LRRC4C: variants seen among roughly 807,000 people sequenced by gnomAD.
The protein encoded by LRRC4C is leucine-rich repeat-containing protein 4C.
A neutral mutation model predicts 33.6 loss-of-function variants in LRRC4C; 5 were observed. The observed-to-expected ratio is 0.15, with a 90% CI of 0.08 to 0.31. The LOEUF (loss-of-function observed/expected upper bound fraction) is 0.31, where lower values mean the gene tolerates loss of function less well. Ranked by LOEUF, LRRC4C falls within the 10% of genes least tolerant of loss-of-function variation. The probability of loss-of-function intolerance (pLI) is 1.00; values close to 1 mark genes in which losing one functional copy is unlikely to be tolerated. For missense variants in LRRC4C, 560 were observed against 796.7 expected, an observed-to-expected ratio of 0.70 and a Z score of 3.58; for synonymous variants, 329 against 302.0, an observed-to-expected ratio of 1.09 and a Z score of -0.93.
At chr11:40,881,322 C>T (rs918296043) in intron 2 of LRRC4C, among the ~76,000 whole-genome samples, 6 of 152,040 alleles carry the variant, frequency 3.9e-5, no homozygotes, top group African/African-American at 1.4e-4. Context: ...TATTGTGTAT[C>T]CTACATAAAT....
At chr11:41,457,502 G>A (rs1227762823) in intron 1 of LRRC4C, among the ~76,000 whole-genome samples, 2 of 152,024 alleles carry the variant, frequency 1.3e-5, no homozygotes, top group Admixed American at 6.6e-5. Context: ...CAGAAACTTC[G>A]TGTTTCTTAT....
intron 3 of LRRC4C, among the ~76,000 whole-genome samples, chr11:40,484,759 T>C (rs901774899): frequency 6.6e-6 from 1 of 152,096 alleles, no homozygotes; most frequent in Non-Finnish European, 1.5e-5. Flanking sequence ...CCAAATAGCA[T>C]AAATATAATT....
At chr11:40,276,798 G>A (rs1943141830) in intron 4 of LRRC4C, among the ~76,000 whole-genome samples, 1 of 151,510 alleles carries the variant, frequency 6.6e-6, no homozygotes, top group African/African-American at 2.4e-5. Flanking sequence ...CTTCCCTGCT[G>A]CTGCAGTGTC....
chr11:40,944,278 C>T (rs7102885), intron 1 of LRRC4C, among the ~76,000 whole-genome samples: 52,853 of 151,894 alleles, frequency 0.35, 9,353 homozygotes, highest in East Asian at 0.47. Context: ...ATTTGCACCA[C>T]ATATCTTGAG....
chr11:41,246,309 C>T (rs766015036), intron 1 of LRRC4C, among the ~76,000 whole-genome samples: 1 of 152,162 alleles, frequency 6.6e-6, no homozygotes, highest in Non-Finnish European at 1.5e-5. Flanking sequence ...CAAGCATGTA[C>T]ACACCTGGCT....
chr11:40,806,265 A>G (rs1181748814), intron 2 of LRRC4C, among the ~76,000 whole-genome samples: 1 of 152,216 alleles, frequency 6.6e-6, no homozygotes, highest in Non-Finnish European at 1.5e-5. Context: ...AGGCTCAAAT[A>G]GCAGAGAGAC....
chr11:40,708,713 G>A (rs1226062810), intron 2 of LRRC4C, among the ~76,000 whole-genome samples: 2 of 152,188 alleles, frequency 1.3e-5, no homozygotes, highest in African/African-American at 4.8e-5. Flanking sequence ...TTCTGTAGAT[G>A]TCTATTAGGT....
intron 3 of LRRC4C, among the ~76,000 whole-genome samples, chr11:40,466,051 A>G (rs1952635698): frequency 6.6e-6 from 1 of 152,092 alleles, no homozygotes; most frequent in African/African-American, 2.4e-5. Context: ...AATAAAGAAA[A>G]TATCTACATA....
Position 40,114,635 on chromosome 11 carries a change from T to A in LRRC4C, c.1658A>T (p.Gln553Leu). The A allele has an allele frequency of 6.2e-7, 1 of 1,614,216 alleles. No individual in the cohort carries two copies. The change falls in exon 7 of 7, where the codon CAG (glutamine) becomes CTG (leucine). Residue 553 changes from glutamine (Q) to leucine (L), a missense_variant. By Grantham distance (113) the Gln-to-Leu change is moderately radical (BLOSUM62 -2). Coordinates refer to ENST00000528697, the MANE Select transcript of LRRC4C (RefSeq NM_001258419.2). ...GGCGTGATGGTTTTGCCGATGGTGC[T>A]GCTTCCTCATCTTGTAGAAAATGAC... Reference protein sequence around the residue: ...MLVIFYKMRKQHHRQNHHAPT... With the variant: ...MLVIFYKMRKLHHRQNHHAPT...
chr11:41,345,102 AAAAT>A (rs1179270459), intron 1 of LRRC4C, among the ~76,000 whole-genome samples: 1 of 152,206 alleles, frequency 6.6e-6, no homozygotes, highest in Non-Finnish European at 1.5e-5. Flanking sequence ...AGTTATGATG[AAAAT>A]TCTGGTGAAA....
At position 40,793,308 on chromosome 11, in the gene LRRC4C, T is replaced by C. The variant is rs143525070; in HGVS notation, c.-407+140327A>G. 6.5e-4 allele frequency among the ~76,000 whole-genome samples: 99 copies of C among 152,282 alleles called. 1 individual carries two copies. Among genetic ancestry groups the C allele is most frequent in the African/African-American group, 2.2e-3 (93 of 41,564 alleles). On this transcript the variant is annotated intron_variant, in intron 2 of 6. Coordinates refer to ENST00000528697, the MANE Select transcript of LRRC4C (RefSeq NM_001258419.2). ...ATTAAGAAATTTCTTACTTGATTAC[T>C]GATAAAAATTCTGTAAGCTTTGTTA...
At chr11:40,803,547 C>A (rs1951123264) in intron 2 of LRRC4C, among the ~76,000 whole-genome samples, 1 of 151,960 alleles carries the variant, frequency 6.6e-6, no homozygotes, top group Non-Finnish European at 1.5e-5. Context: ...ATCTCCCAAA[C>A]TTTTAAAATA....
At chr11:40,289,944 T>G (rs1295460363) in intron 4 of LRRC4C, among the ~76,000 whole-genome samples, 1 of 152,156 alleles carries the variant, frequency 6.6e-6, no homozygotes, top group East Asian at 1.9e-4. Flanking sequence ...ATACATTAAG[T>G]GTGGAGGGCA....
At chr11:40,259,535 A>C (rs1867512973) in intron 4 of LRRC4C, among the ~76,000 whole-genome samples, 1 of 151,900 alleles carries the variant, frequency 6.6e-6, no homozygotes, top group Non-Finnish European at 1.5e-5. Context: ...TAGGGTTTTT[A>C]TGGTTTTAGG....
At chr11:40,933,879 T>C (rs1349473309) in intron 1 of LRRC4C, among the ~76,000 whole-genome samples, 156 bp from the exon 2 acceptor site, 2 of 152,216 alleles carry the variant, frequency 1.3e-5, no homozygotes, top group Non-Finnish European at 2.9e-5. Flanking sequence ...TATATTCATT[T>C]TATAATATGC....
intron 2 of LRRC4C, among the ~76,000 whole-genome samples, chr11:40,726,418 A>T (rs1206505931): frequency 6.6e-6 from 1 of 152,214 alleles, no homozygotes; most frequent in Non-Finnish European, 1.5e-5. Context: ...TTGCTAGCAA[A>T]CTGAATCCAG....
At chr11:40,485,706 G>A (rs931849522) in intron 3 of LRRC4C, among the ~76,000 whole-genome samples, 10 of 151,986 alleles carry the variant, frequency 6.6e-5, no homozygotes, top group Non-Finnish European at 1.5e-4. Flanking sequence ...ACATGCACAT[G>A]TATGTTCATT....
chr11:40,298,602 C>T (rs879346267), intron 4 of LRRC4C, among the ~76,000 whole-genome samples: 1 of 151,698 alleles, frequency 6.6e-6, no homozygotes, highest in Non-Finnish European at 1.5e-5. Context: ...TTAGTTGAGC[C>T]CATTGTCAGG....
chr11:40,555,272 A>T (rs530394144), intron 3 of LRRC4C, among the ~76,000 whole-genome samples: 1 of 152,280 alleles, frequency 6.6e-6, no homozygotes, highest in Admixed American at 6.5e-5. Context: ...CTGCCAGTGA[A>T]TTAATGTTAG....
Sources: gnomAD v4.1 joint callset for allele counts (sites outside exome capture counted in the v4.1 genomes callset) on GRCh38, gnomAD v4.1.1 for gene constraint, MANE v1.5 for transcripts, NCBI Gene and HGNC (gene_info 2026-07-23, HGNC 2026-07-21) for gene names.